Variants in KIF1A observed in about 807,000 individuals in gnomAD.
The protein encoded by KIF1A is kinesin-like protein KIF1A.
A neutral mutation model predicts 227.3 loss-of-function variants in KIF1A; 46 were observed. That is an observed-to-expected ratio of 0.20 (90% CI 0.16 to 0.26). The LOEUF is 0.26. KIF1A is among the 10% of genes least tolerant of loss of function. KIF1A has a pLI of 1.00. For missense variants in KIF1A, 1,683 were observed against 2,485.9 expected (o/e 0.68, Z 6.87); for synonymous variants, 1,022 against 1,012.8 (o/e 1.01, Z -0.17).
At chr2:240,718,707 C>T (rs1044793124) in intron 47 of KIF1A, among the ~76,000 whole-genome samples, 3 of 152,216 alleles carry the variant, frequency 2.0e-5, no homozygotes, top group Admixed American at 6.5e-5. Context: ...TGGGTGACTC[C>T]GGAGGAGGGG....
chr2:240,735,487 G>C (rs2047211109), intron 38 of KIF1A, among the ~76,000 whole-genome samples: 1 of 152,170 alleles, frequency 6.6e-6, no homozygotes, highest in Admixed American at 6.5e-5. Flanking sequence ...GGGTTGGGGG[G>C]CTGGAGCCCC....
In KIF1A at chr2:240,782,610, G is replaced by A; in HGVS notation, c.865-3C>T. The A allele has an allele frequency of 6.4e-7, 1 of 1,552,178 alleles. No homozygotes were observed. Among genetic ancestry groups the A allele is most frequent in the Non-Finnish European group, 8.7e-7 (1 of 1,147,696 alleles). ...CTTACCTTGTTGGGTCCGGAGTCCT[G>A]AAAAGGAAAAGACAGAGAGAGGCTG... On this transcript the variant is annotated splice_region_variant and splice_polypyrimidine_tract_variant and intron_variant, in intron 9 of 48. Coordinates refer to ENST00000498729, the MANE Select transcript of KIF1A (RefSeq NM_001244008.2).
intron 46 of KIF1A, 72 bp downstream of exon 46, chr2:240,719,702 G>T: frequency 7.0e-7 from 1 of 1,427,226 alleles, no homozygotes. Flanking sequence ...CCAGTATGGG[G>T]AGCAGGGTGG....
At position 240,718,469 on chromosome 2, in the gene KIF1A, G is replaced by T. The variant is rs906638750; in HGVS notation, c.5215-301C>A. Among the ~76,000 whole-genome samples, 33 of 152,322 alleles carry T rather than the reference G, an allele frequency of 2.2e-4. 1 individual carries two copies. Among genetic ancestry groups the T allele is most frequent in the African/African-American group, 7.5e-4 (31 of 41,586 alleles). ...GGCTGGGCTGCTGGTGCAGATGTGG[G>T]TTCACACCACCCACTCCCACCACAG... On this transcript the variant is annotated intron_variant, in intron 47 of 48. Coordinates refer to ENST00000498729, the MANE Select transcript of KIF1A (RefSeq NM_001244008.2).
At chr2:240,812,674 G>A (rs1196101395) in intron 1 of KIF1A, among the ~76,000 whole-genome samples, 3 of 150,210 alleles carry the variant, frequency 2.0e-5, no homozygotes, top group African/African-American at 7.3e-5. Context: ...TCACCTCAGG[G>A]ATCAGCCTTC....
intron 1 of KIF1A, among the ~76,000 whole-genome samples, chr2:240,805,129 C>T (rs535939103): frequency 3.3e-4 from 4 of 12,282 alleles, no homozygotes; most frequent in Admixed American, 1.1e-3. Context: ...GGAGGGAGGG[C>T]GGAGGGAGAG....
chr2:240,719,167 A>G lies in KIF1A; in HGVS notation c.5053T>C (p.Phe1685Leu), dbSNP rs752779440. 1.1e-5 allele frequency: 17 copies of G among 1,610,064 alleles called. No homozygotes were observed. Among genetic ancestry groups the G allele is most frequent in the Non-Finnish European group, 1.4e-5 (16 of 1,178,412 alleles). ...PIVSKKGYLH[F>L]LEPHTSGWAR... ...CAGCCTGACGTGTGCGGCTCCAGGAAGTGCAGGTACCCCTTCTTGGAAACG... is the reference window on the plus strand; with the variant it reads ...CAGCCTGACGTGTGCGGCTCCAGGAGGTGCAGGTACCCCTTCTTGGAAACG... The change falls in exon 47 of 49, where the codon TTC becomes CTC. Residue 1685 changes from phenylalanine to leucine, a missense_variant. Physicochemically the swap from Phe to Leu is conservative, Grantham distance 22. Around this residue, in one of 12 missense-constraint regions of KIF1A, gnomAD observed 384 missense variants for 410.1 expected, o/e 0.94. Transcript: ENST00000498729.
chr2:240,773,807 C>T (rs2052346695), intron 12 of KIF1A, among the ~76,000 whole-genome samples: 1 of 152,086 alleles, frequency 6.6e-6, no homozygotes, highest in Non-Finnish European at 1.5e-5. Context: ...AGGCTCCCCA[C>T]CCCAGGTGCC....
At chr2:240,755,253 T>C (rs898268862) in intron 27 of KIF1A, among the ~76,000 whole-genome samples, 1 of 152,196 alleles carries the variant, frequency 6.6e-6, no homozygotes, top group African/African-American at 2.4e-5. Context: ...CAGTGCTGGA[T>C]AGGCCTTCCG....
At chr2:240,732,351 GA>G (rs2046796898) in intron 38 of KIF1A, among the ~76,000 whole-genome samples, 1 of 142,564 alleles carries the variant, frequency 7.0e-6, no homozygotes, top group Admixed American at 6.9e-5. Context: ...GTGAGGGAGA[GA>G]GGGGAGGAAA....
intron 45 of KIF1A, 63 bp from the exon 46 acceptor site, chr2:240,719,989 C>A (rs2045101019): frequency 2.0e-6 from 3 of 1,506,468 alleles, no homozygotes; most frequent in Non-Finnish European, 2.7e-6. Context: ...CGTCTTCCCC[C>A]AGGCTTCACC....
rs570666688 is a variant in KIF1A, at chr2:240,739,045, C to T, written c.3901+1013G>A. Among the ~76,000 whole-genome samples the T allele has an allele frequency of 3.3e-5, 5 of 152,354 alleles. No individual in the cohort carries two copies. The highest frequency in any genetic ancestry group is 6.5e-5 in the Admixed American group (1 of 15,306). ...GAAAGGAGGGTTTGGGTGCTTGTTC[C>T]ATGACTTTCTGATTCATGTGAAATT... On this transcript the variant is annotated intron_variant, in intron 37 of 48. Coordinates refer to ENST00000498729, the MANE Select transcript of KIF1A (RefSeq NM_001244008.2). This position sits in a 1 kb window ranked among gnomAD's most constrained non-coding sequence, Gnocchi z 5.6.
At chr2:240,786,841 G>GGACCC (rs2055002554) in intron 5 of KIF1A, among the ~76,000 whole-genome samples, 1 of 50,598 alleles carries the variant, frequency 2.0e-5, no homozygotes, top group African/African-American at 8.7e-5. Flanking sequence ...GGGGCTGCCT[G>GGACCC]CTGAGCAGAG....
At chr2:240,807,060 C>A (rs2057455839) in intron 1 of KIF1A, among the ~76,000 whole-genome samples, 1 of 147,148 alleles carries the variant, frequency 6.8e-6, no homozygotes. Flanking sequence ...TGCATTTGAC[C>A]TACACATCCT....
chr2:240,742,638 C>T lies in KIF1A; in HGVS notation c.3640+291G>A, dbSNP rs7568395. ...TCATCCCCAAATCTCCACCTCTCTG[C>T]GTTCAGCTGAGATGCCTGAAGTCCC... On this transcript the variant is annotated intron_variant, in intron 34 of 48. Transcript: ENST00000498729. 0.058 allele frequency among the ~76,000 whole-genome samples: 8,822 copies of T among 152,164 alleles called. 601 individuals carry two copies. The highest frequency in any genetic ancestry group is 0.17 in the African/African-American group (6,899 of 41,464).
At position 240,816,326 on chromosome 2, in the gene KIF1A, G is replaced by A. The variant is rs138889229; in HGVS notation, c.-61+3796C>T. On this transcript the variant is annotated intron_variant, in intron 1 of 48. Coordinates refer to ENST00000498729, the MANE Select transcript of KIF1A (RefSeq NM_001244008.2). Reference sequence around the variant, plus strand: ...TGAATGTATGCATGGGTGGGTGTGCGTGCATGTGTGTGTCAGTGTGTGTGC... The same window carrying A: ...TGAATGTATGCATGGGTGGGTGTGCATGCATGTGTGTGTCAGTGTGTGTGC... Among the ~76,000 whole-genome samples, 231 of 152,112 alleles carry A rather than the reference G, an allele frequency of 1.5e-3. 1 individual carries two copies. Among genetic ancestry groups the A allele is most frequent in the African/African-American group, 4.8e-3 (197 of 41,468 alleles).
intron 46 of KIF1A, among the ~76,000 whole-genome samples, chr2:240,719,564 A>G (rs565893259): frequency 1.3e-5 from 2 of 152,324 alleles, no homozygotes; most frequent in African/African-American, 4.8e-5. Flanking sequence ...CATGTGGGTC[A>G]CAGGGCCCTG....
chr2:240,722,066 C>G (rs2045460181), intron 43 of KIF1A, among the ~76,000 whole-genome samples, 182 bp from the exon 44 acceptor site: 1 of 152,192 alleles, frequency 6.6e-6, no homozygotes, highest in African/African-American at 2.4e-5. Flanking sequence ...CAGGAAGTCT[C>G]CCAGGGTCAG....
At chr2:240,796,987 A>G (rs1259473467) in intron 2 of KIF1A, among the ~76,000 whole-genome samples, 1 of 152,198 alleles carries the variant, frequency 6.6e-6, no homozygotes, top group Admixed American at 6.5e-5. Context: ...GTCATTGTCC[A>G]CATCCTGAAG....
Sources: gnomAD v4.1 joint callset for allele counts (sites outside exome capture counted in the v4.1 genomes callset) on GRCh38, gnomAD v4.1.1 for gene constraint, gnomAD v4.1.1 regional missense constraint, Gnocchi (gnomAD v3.1) non-coding constraint, MANE v1.5 for transcripts, NCBI Gene and HGNC (gene_info 2026-07-23, HGNC 2026-07-21) for gene names.